SPATC1: variants seen among roughly 807,000 people sequenced by gnomAD.
The protein encoded by SPATC1 is spermatogenesis and centriole associated 1, also known as speriolin.
SPATC1 carries 35 observed loss-of-function variants against 36.5 expected under a neutral mutation model. The observed-to-expected ratio is 0.96, with a 90% CI of 0.73 to 1.27. The LOEUF (loss-of-function observed/expected upper bound fraction) is 1.27. Among genes scored for constraint, SPATC1 ranks in the 50% most tolerant of loss-of-function variants. SPATC1 has a pLI of 0.00. For synonymous variants in SPATC1, 361 were observed against 353.6 expected, an observed-to-expected ratio of 1.02 and a Z score of -0.24; for missense variants, 779 against 796.0, an observed-to-expected ratio of 0.98 and a Z score of 0.26.
chr8:144,044,364 C>T (rs959431360), intron 4 of SPATC1, among the ~76,000 whole-genome samples: 1 of 150,796 alleles, frequency 6.6e-6, no homozygotes, highest in Non-Finnish European at 1.5e-5. Context: ...TGCATTGGCG[C>T]GATCTTGGCT....
intron 1 of SPATC1, among the ~76,000 whole-genome samples, chr8:144,025,400 C>A (rs1244505559): frequency 2.6e-5 from 4 of 152,160 alleles, no homozygotes; most frequent in Non-Finnish European, 5.9e-5. Flanking sequence ...TGCTGAGAGA[C>A]CTAAATAATT....
chr8:144,023,142 C>T (rs1244912426), intron 1 of SPATC1, among the ~76,000 whole-genome samples: 21 of 126,266 alleles, frequency 1.7e-4, no homozygotes, highest in Admixed American at 1.1e-3. Flanking sequence ...CCCCCCAGGA[C>T]CCTCTTCCCT....
intron 1 of SPATC1, among the ~76,000 whole-genome samples, chr8:144,031,449 T>C (rs1000104779): frequency 2.1e-4 from 11 of 52,068 alleles, no homozygotes; most frequent in African/African-American, 5.0e-4. Flanking sequence ...GATTTTTTTT[T>C]CTTTTTTTTT....
At chr8:144,030,748 C>A (rs1475392688) in intron 1 of SPATC1, among the ~76,000 whole-genome samples, 2 of 152,010 alleles carry the variant, frequency 1.3e-5, no homozygotes, top group African/African-American at 4.8e-5. Context: ...TTCTAGTATA[C>A]CATTTTGATT....
At chr8:144,030,765 C>T (rs2133125584) in intron 1 of SPATC1, among the ~76,000 whole-genome samples, 2 of 152,042 alleles carry the variant, frequency 1.3e-5, no homozygotes, top group East Asian at 3.9e-4. Flanking sequence ...GATTCCTTCT[C>T]CTACTTTTTT....
chr8:144,015,677 G>A (rs1477206845), intron 1 of SPATC1, among the ~76,000 whole-genome samples: 89 of 150,118 alleles, frequency 5.9e-4, no homozygotes, highest in African/African-American at 1.8e-3. Context: ...GCAAGGCAGA[G>A]GTTGCAGTGA....
chr8:144,040,774 T>TCCCCCC lies in SPATC1; in HGVS notation c.978_979insCCCCCC (p.Pro326_Thr327insProPro). 35 of 1,352,838 alleles carry TCCCCCC rather than the reference T, an allele frequency of 2.6e-5. No individual in the cohort carries two copies. The highest frequency in any genetic ancestry group is 2.0e-4 in the Middle Eastern group (1 of 5,084). 83.8% of individuals were successfully genotyped at this position (1,352,838 alleles called of 1,614,324 possible). A position where few individuals can be genotyped will look rare whatever the true frequency, so the allele number is the denominator to read the frequency against. Reference sequence around the variant, plus strand: ...AGTGGTCCCTGCATCTGTCCCCACCTCCCCCACCACCTCCCCCACGGTCAC... The same window carrying TCCCCCC: ...AGTGGTCCCTGCATCTGTCCCCACCTCCCCCCCCCCCACCACCTCCCCCACGGTCAC... On this transcript the variant is annotated inframe_insertion, in exon 3 of 5. Coordinates refer to ENST00000377470, the MANE Select transcript of SPATC1 (RefSeq NM_198572.3).
chr8:144,039,435 A>G (rs1554755298), intron 1 of SPATC1, among the ~76,000 whole-genome samples: 1 of 152,198 alleles, frequency 6.6e-6, no homozygotes, highest in Non-Finnish European at 1.5e-5. Context: ...CCCCCTGAGG[A>G]GCCCCCACCA....
chr8:144,016,064 CAA>C lies in SPATC1; in HGVS notation c.211+3351_211+3352del, dbSNP rs574460237. Among the ~76,000 whole-genome samples, 20 of 78,422 alleles carry C rather than the reference CAA, an allele frequency of 2.6e-4. No individual in the cohort carries two copies. Among genetic ancestry groups the C allele is most frequent in the Admixed American group, 4.7e-4 (3 of 6,388 alleles). 51.4% of individuals were successfully genotyped at this position (78,422 alleles called of 152,430 possible). A position where few individuals can be genotyped will look rare whatever the true frequency, so the allele number is the denominator to read the frequency against. On this transcript the variant is annotated intron_variant, in intron 1 of 4. Coordinates refer to ENST00000377470, the MANE Select transcript of SPATC1 (RefSeq NM_198572.3). This position sits in a 1 kb window ranked among gnomAD's most constrained non-coding sequence, Gnocchi z 4.5. ...GCTGGAGACTTTTGAGACTCTGTCT[CAA>C]AAAAAAAAAAAAGAAAAAAGAAAGA...
chr8:144,024,791 C>T (rs1355337614), intron 1 of SPATC1, among the ~76,000 whole-genome samples: 3 of 151,396 alleles, frequency 2.0e-5, no homozygotes, highest in Admixed American at 6.6e-5. Flanking sequence ...CTACCCTCTC[C>T]CCTCAGCACC....
chr8:144,038,187 T>G (rs565649024), intron 1 of SPATC1, among the ~76,000 whole-genome samples: 2 of 138,382 alleles, frequency 1.4e-5, no homozygotes, highest in Non-Finnish European at 3.1e-5. Flanking sequence ...GTAATCCCAG[T>G]ACTTTGGGAA....
At chr8:144,020,394 T>C (rs1834484688) in intron 1 of SPATC1, among the ~76,000 whole-genome samples, 2 of 150,846 alleles carry the variant, frequency 1.3e-5, no homozygotes, top group Admixed American at 1.3e-4. Context: ...CCCTCTTCCC[T>C]GATAACCCTC....
At chr8:144,023,086 CCTCAGGACCCTCTTCT>C (rs1404509910) in intron 1 of SPATC1, among the ~76,000 whole-genome samples, 2 of 150,250 alleles carry the variant, frequency 1.3e-5, no homozygotes, top group Non-Finnish European at 3.0e-5. Flanking sequence ...GACCCTCTCT[CCTCAGGACCCTCTTCT>C]CTCAGGACTC....
At position 144,040,320 on chromosome 8, in the gene SPATC1, G is replaced by A. The variant is rs782308799; in HGVS notation, c.623G>A (p.Gly208Glu). The change falls in exon 2 of 5, where the codon GGG becomes GAG. Residue 208 changes from glycine to glutamate, a missense_variant. Gly to Glu is a moderately conservative substitution (Grantham distance 98). Transcript: ENST00000377470. ...PLLSSTATPP[G>E]VSQNLLANPM... The stretch of plus-strand genomic sequence containing the variant: ...CTCAGCTCCACTGCCACCCCACCAG[G>A]GGTCTCTCAGAACCTGCTGGCCAAC... 7 of 1,612,618 alleles carry A rather than the reference G, an allele frequency of 4.3e-6. No homozygotes were observed. Among genetic ancestry groups the A allele is most frequent in the Middle Eastern group, 1.6e-4 (1 of 6,082 alleles).
Position 144,017,532 on chromosome 8 carries a change from T to C in SPATC1, c.211+4806T>C, listed in dbSNP as rs551533997. ...GGCTGTGGATGTTTATAAGCATGTG[T>C]ACCAGGCTCCTCTCAGTGCAGGACA... is the stretch of plus-strand genomic sequence containing the variant. On this transcript the variant is annotated intron_variant, in intron 1 of 4. Coordinates refer to ENST00000377470, the MANE Select transcript of SPATC1 (RefSeq NM_198572.3). Among the ~76,000 whole-genome samples, 291 of 152,228 alleles carry C rather than the reference T, an allele frequency of 1.9e-3. 1 individual carries two copies. Among genetic ancestry groups the C allele is most frequent in the African/African-American group, 6.5e-3 (270 of 41,538 alleles).
At chr8:144,039,487 C>A (rs113946121) in intron 1 of SPATC1, among the ~76,000 whole-genome samples, 2 of 152,334 alleles carry the variant, frequency 1.3e-5, no homozygotes, top group African/African-American at 4.8e-5. Flanking sequence ...TTCTCTCCAC[C>A]GAAGAACAGA....
At chr8:144,025,452 T>A (rs1415994358) in intron 1 of SPATC1, among the ~76,000 whole-genome samples, 3 of 152,246 alleles carry the variant, frequency 2.0e-5, no homozygotes, top group African/African-American at 7.2e-5. Flanking sequence ...TCCTCTTCAA[T>A]GTTCTCTTCA....
chr8:144,041,158 T>G (rs781815240), intron 3 of SPATC1, 51 bp downstream of exon 3: 1 of 1,592,858 alleles, frequency 6.3e-7, no homozygotes, highest in South Asian at 1.1e-5. Flanking sequence ...GCCCTCTCCC[T>G]GCCGCCTGCC....
At chr8:144,011,240 C>A (rs1487822715), upstream of SPATC1, among the ~76,000 whole-genome samples, 1 of 152,046 alleles carries the variant, frequency 6.6e-6, no homozygotes, top group Non-Finnish European at 1.5e-5. The surrounding 1 kb of genome is among the most constrained non-coding windows in gnomAD (Gnocchi z 4.5). Flanking sequence ...GAAAGCCCAA[C>A]AGAGACACTC....
Sources: allele counts gnomAD v4.1 joint callset (sites outside exome capture counted in the v4.1 genomes callset), GRCh38; gene constraint gnomAD v4.1.1; non-coding constraint Gnocchi (gnomAD v3.1); transcripts MANE v1.5; gene names NCBI Gene and HGNC (gene_info 2026-07-23, HGNC 2026-07-21).